Variants in DMXL2 observed in about 807,000 individuals in gnomAD.
The protein encoded by DMXL2 is Dmx like 2, also known as dmX-like protein 2.
A neutral mutation model predicts 331.1 loss-of-function variants in DMXL2; 103 were observed. That is an observed-to-expected ratio of 0.31 (90% confidence interval 0.27 to 0.37). The LOEUF (loss-of-function observed/expected upper bound fraction) is 0.37. Among genes scored for constraint, DMXL2 ranks in the 10% least tolerant of loss-of-function variants. DMXL2 has a pLI of 1.00. For missense variants in DMXL2, 3,171 were observed against 3,642.9 expected, an observed-to-expected ratio of 0.87 and a Z score of 3.33; for synonymous variants, 1,281 against 1,252.1, an observed-to-expected ratio of 1.02 and a Z score of -0.49.
chr15:51,537,906 A>G, intron 10 of DMXL2, 147 bp from the exon 11 acceptor site: 1 of 1,029,600 alleles, frequency 9.7e-7, no homozygotes, highest in Non-Finnish European at 1.4e-6. Context: ...TTTTGTCTGA[A>G]TTGAATGTTA....
chr15:51,607,375 G>A (rs959773158), intron 1 of DMXL2, among the ~76,000 whole-genome samples: 6 of 152,052 alleles, frequency 3.9e-5, no homozygotes, highest in African/African-American at 4.8e-5. Context: ...AGAATGGCTC[G>A]AACCCGGGAG....
chr15:51,564,403 T>A (rs952787946), intron 4 of DMXL2, 143 bp from the exon 5 acceptor site: 11 of 536,022 alleles, frequency 2.1e-5, no homozygotes, highest in Non-Finnish European at 3.3e-5. Context: ...TGGTATATAT[T>A]TTTTTAAAGT....
At position 51,481,467 on chromosome 15, in the gene DMXL2, A is replaced by G; in HGVS notation, c.5639T>C (p.Ile1880Thr). The change falls in exon 24 of 44, where the codon ATA becomes ACA. Residue 1880 changes from isoleucine to threonine, a missense_variant. Physicochemically the swap from Ile to Thr is moderately conservative, Grantham distance 89 (BLOSUM62 -1). Transcript: ENST00000560891. The stretch of plus-strand genomic sequence containing the variant: ...AGTGGTAAAGAATAATTTTCTTTCT[A>G]TGAGGTTAATTTTATCAACAAAGTT... ...EKNFVDKINL[I>T]ERKLFFTTAN... 2 of 1,613,410 alleles carry G rather than the reference A, an allele frequency of 1.2e-6. No individual in the cohort carries two copies. The highest frequency in any genetic ancestry group is 1.7e-6 in the Non-Finnish European group (2 of 1,179,748).
At chr15:51,480,433 A>G in intron 24 of DMXL2, 109 bp downstream of exon 24, 1 of 1,302,536 alleles carries the variant, frequency 7.7e-7, no homozygotes, top group Non-Finnish European at 1.0e-6. Context: ...GGAGCTGAAC[A>G]TATTTAGATT....
chr15:51,552,066 A>G (rs749978933), intron 6 of DMXL2, among the ~76,000 whole-genome samples: 2 of 152,206 alleles, frequency 1.3e-5, no homozygotes, highest in African/African-American at 2.4e-5. Context: ...AGGGAACAGC[A>G]CATAAAAAGA....
At chr15:51,519,228 T>A (rs2047205509) in intron 13 of DMXL2, among the ~76,000 whole-genome samples, 1 of 152,064 alleles carries the variant, frequency 6.6e-6, no homozygotes, top group Non-Finnish European at 1.5e-5. Context: ...GTGGTCCTCC[T>A]ATCTCAGCCT....
intron 6 of DMXL2, among the ~76,000 whole-genome samples, chr15:51,555,467 T>C (rs1209859022): frequency 6.6e-6 from 1 of 152,006 alleles, no homozygotes; most frequent in Non-Finnish European, 1.5e-5. Context: ...GCATCAGAAA[T>C]CTTAAGACTA....
chr15:51,480,695 T>G lies in DMXL2; in HGVS notation c.6411A>C (p.Lys2137Asn). ...HQIERRRLQAKREHAERRKSW... is the reference protein window; with the variant it reads ...HQIERRRLQANREHAERRKSW... ...ACTTTCGTCTTTCTGCATGCTCTCG[T>G]TTGGCCTGCAATCTTCTTCTTTCTA... is the stretch of plus-strand genomic sequence containing the variant. Residue 2137 changes from lysine to asparagine, a missense_variant, in exon 24 of 44, where the codon AAA (lysine) becomes AAC (asparagine). Lys to Asn is a moderately conservative substitution (Grantham distance 94). Transcript: ENST00000560891. 1 of 1,612,254 alleles carries G rather than the reference T, an allele frequency of 6.2e-7. No individual in the cohort carries two copies. Among genetic ancestry groups the G allele is most frequent in the Non-Finnish European group, 8.5e-7 (1 of 1,178,684 alleles).
rs530569013 is a variant in DMXL2 at position 51,455,651 on chromosome 15, A to G, written c.8526+415T>C. Among the ~76,000 whole-genome samples the G allele has an allele frequency of 3.9e-5, 6 of 152,262 alleles. No individual in the cohort carries two copies. In the South Asian group the frequency reaches 6.2e-4, roughly 16 times the overall value. ...AGCAATCCTCCTGCCTTGGGCTCCT[A>G]AAGTGTTGTAATTACAGGTGTGAAC... On this transcript the variant is annotated intron_variant, in intron 39 of 43. Transcript: ENST00000560891.
intron 13 of DMXL2, among the ~76,000 whole-genome samples, chr15:51,533,742 C>T (rs1406997650): frequency 6.6e-6 from 1 of 152,128 alleles, no homozygotes; most frequent in Non-Finnish European, 1.5e-5. Flanking sequence ...AGCTGTCTCA[C>T]AGAAATCCTT....
intron 1 of DMXL2, among the ~76,000 whole-genome samples, chr15:51,594,911 T>C (rs976565676): frequency 6.6e-6 from 1 of 152,208 alleles, no homozygotes; most frequent in Non-Finnish European, 1.5e-5. Flanking sequence ...ATGGGTTGTA[T>C]GTCAAAATAA....
chr15:51,478,087 T>C lies in DMXL2; in HGVS notation c.6833+184A>G, dbSNP rs528231544. Among the ~76,000 whole-genome samples, 7 of 152,254 alleles carry C rather than the reference T, an allele frequency of 4.6e-5. No individual in the cohort carries two copies. In the South Asian group the frequency reaches 1.4e-3, roughly 32 times the overall value. On this transcript the variant is annotated intron_variant, in intron 26 of 43. Coordinates refer to ENST00000560891, the MANE Select transcript of DMXL2 (RefSeq NM_001378457.1). ...CTATTTGTTACTTTCTATATTTCTC[T>C]GTGACTACTAGGTGACAACTAAACA...
chr15:51,574,471 T>C (rs911006453), intron 2 of DMXL2, among the ~76,000 whole-genome samples: 1 of 152,196 alleles, frequency 6.6e-6, no homozygotes, highest in Non-Finnish European at 1.5e-5. Context: ...GGCACTGTTA[T>C]ACCAAAAAGT....
rs371723512 is a variant in DMXL2, at chr15:51,481,432, G to A, written c.5674C>T (p.His1892Tyr). ...RKLFFTTANA[H>Y]FKVGCPVLAL... The stretch of plus-strand genomic sequence containing the variant: ...AAAACAGGGCATCCAACTTTAAAAT[G>A]AGCATTTGCAGTGGTAAAGAATAAT... Residue 1892 changes from histidine (H) to tyrosine (Y), a missense_variant, in exon 24 of 44, where the codon CAT becomes TAT. His to Tyr is a moderately conservative substitution (Grantham distance 83). Transcript: ENST00000560891. 23 of 1,611,362 alleles carry A rather than the reference G, an allele frequency of 1.4e-5. No homozygotes were observed. The highest frequency in any genetic ancestry group is 1.9e-5 in the Non-Finnish European group (22 of 1,178,944).
At position 51,622,699 on chromosome 15, in the gene DMXL2, C is replaced by A; in HGVS notation, c.-154G>T. On this transcript the variant is annotated 5_prime_UTR_variant, in exon 1 of 44. Coordinates refer to ENST00000560891, the MANE Select transcript of DMXL2 (RefSeq NM_001378457.1). ...AACTCCTCGCCCCCCTTTCGCCTTC[C>A]CTCCGCCTCGTCCCTGCCATGGGAG... 1 of 1,384,680 alleles carries A rather than the reference C, an allele frequency of 7.2e-7. No homozygotes were observed. The highest frequency in any genetic ancestry group is 1.5e-5 in the South Asian group (1 of 65,696). The allele number at this position is 1,384,680 out of a possible 1,614,324, so 85.8% of individuals were successfully genotyped here. A position where few individuals can be genotyped will look rare whatever the true frequency, so the allele number is the denominator to read the frequency against.
chr15:51,581,973 A>G (rs1270809769), intron 1 of DMXL2, among the ~76,000 whole-genome samples: 1 of 152,166 alleles, frequency 6.6e-6, no homozygotes, highest in Non-Finnish European at 1.5e-5. Context: ...CAAGAATACT[A>G]TATCAAGAGT....
At chr15:51,476,365 T>C (rs2041583376) in intron 27 of DMXL2, among the ~76,000 whole-genome samples, 1 of 152,168 alleles carries the variant, frequency 6.6e-6, no homozygotes, top group African/African-American at 2.4e-5. Flanking sequence ...CTTTTTTATG[T>C]TGGTTAACAT....
At chr15:51,591,440 C>G (rs4465557) in intron 1 of DMXL2, among the ~76,000 whole-genome samples, 123,616 of 152,134 alleles carry the variant, frequency 0.81, 50,597 homozygotes, top group East Asian at 0.99. Context: ...TGGGAAGCTC[C>G]AACTGGGTGG....
At chr15:51,594,155 T>G (rs1375438339) in intron 1 of DMXL2, among the ~76,000 whole-genome samples, 1 of 151,998 alleles carries the variant, frequency 6.6e-6, no homozygotes, top group South Asian at 2.1e-4. Flanking sequence ...ATCAACAAAA[T>G]TGATAGACCA....
Sources: gnomAD v4.1 joint callset for allele counts (sites outside exome capture counted in the v4.1 genomes callset) on GRCh38, gnomAD v4.1.1 for gene constraint, MANE v1.5 for transcripts, NCBI Gene and HGNC (gene_info 2026-07-23, HGNC 2026-07-21) for gene names.